Variants in HFE observed in about 807,000 individuals in gnomAD.
HFE encodes the protein hereditary hemochromatosis protein.
A neutral mutation model predicts 40.9 loss-of-function variants in HFE; 36 were observed. The observed-to-expected ratio is 0.88, with a 90% CI of 0.67 to 1.16. The LOEUF (loss-of-function observed/expected upper bound fraction) is 1.16, where lower values mean the gene tolerates loss of function less well. Among genes scored for constraint, HFE ranks in the 50% most tolerant of loss-of-function variants. HFE has a pLI of 0.00. For synonymous variants in HFE, 157 were observed against 165.4 expected, an observed-to-expected ratio of 0.95 and a Z score of 0.39; for missense variants, 376 against 432.0, an observed-to-expected ratio of 0.87 and a Z score of 1.15.
Position 26,094,741 on chromosome 6 carries a change from C to G in HFE, c.*515C>G. ...TGTTACCCAGTAACTCATCTGTCACCAAGCCTTGGGGATTCTTCCATCTGA... is the reference window on the plus strand; with the variant it reads ...TGTTACCCAGTAACTCATCTGTCACGAAGCCTTGGGGATTCTTCCATCTGA... On this transcript the variant is annotated 3_prime_UTR_variant, in exon 6 of 6. Transcript: ENST00000357618. The G allele has an allele frequency of 2.3e-6, 1 of 432,518 alleles. No individual in the cohort carries two copies. Among genetic ancestry groups the G allele is most frequent in the East Asian group, 4.8e-5 (1 of 20,768 alleles). 26.8% of individuals were successfully genotyped at this position (432,518 alleles called of 1,614,324 possible).
intron 2 of HFE, 58 bp downstream of exon 2, chr6:26,091,162 G>T: frequency 1.2e-6 from 2 of 1,609,250 alleles, no homozygotes; most frequent in South Asian, 1.1e-5. Flanking sequence ...ATCTTTTCAT[G>T]CATCTTGAAG....
At chr6:26,092,564 G>A (rs758743818) in intron 3 of HFE, 121 bp from the exon 4 acceptor site, 1 of 1,583,308 alleles carries the variant, frequency 6.3e-7, no homozygotes, top group African/African-American at 1.3e-5. Flanking sequence ...CTCTCCTGTA[G>A]CTTGTTTTTT....
intron 1 of HFE, among the ~76,000 whole-genome samples, chr6:26,089,647 A>G (rs982485345): frequency 1.3e-5 from 2 of 152,166 alleles, no homozygotes; most frequent in African/African-American, 4.8e-5. Context: ...GTGTGAGAGA[A>G]AGAGAAGAAT....
Position 26,092,948 on chromosome 6 carries a change from A to G in HFE, c.880A>G (p.Ile294Val), listed in dbSNP as rs1349410174. The G allele has an allele frequency of 1.2e-6, 2 of 1,614,072 alleles. No individual in the cohort carries two copies. Among genetic ancestry groups the G allele is most frequent in the Non-Finnish European group, 1.7e-6 (2 of 1,180,020 alleles). Residue 294 changes from isoleucine (I) to valine (V), a missense_variant, in exon 4 of 6, where the codon ATT (isoleucine) becomes GTT (valine). Around this residue, in one of 3 missense-constraint regions of HFE, gnomAD observed 173 missense variants for 186.9 expected, o/e 0.93. Transcript: ENST00000357618. ...GCACCCAGGCCTGGATCAGCCCCTCATTGTGATCTGGGGTATGTGACTGAT... is the reference window on the plus strand; with the variant it reads ...GCACCCAGGCCTGGATCAGCCCCTCGTTGTGATCTGGGGTATGTGACTGAT... ...VEHPGLDQPLIVIWEPSPSGT... is the reference protein window; with the variant it reads ...VEHPGLDQPLVVIWEPSPSGT...
intron 1 of HFE, among the ~76,000 whole-genome samples, chr6:26,088,565 A>G (rs560439918): frequency 2.4e-4 from 36 of 152,318 alleles, no homozygotes; most frequent in African/African-American, 8.2e-4. Flanking sequence ...TCAGCACAGC[A>G]CTTTGAGTTT....
rs754323879 is a variant in HFE at position 26,091,336 on chromosome 6, C to T, written c.363C>T (p.Ile121=). The part of the protein sequence containing the change: ...HSKESHTLQV[I]LGCEMQEDNS... ...CAGAGTCCCACACCCTGCAGGTCAT[C>T]CTGGGCTGTGAAATGCAAGAAGACA... The change falls in exon 3 of 6, where the codon ATC becomes ATT. Residue 121 remains isoleucine, a synonymous_variant. Transcript: ENST00000357618. The T allele has an allele frequency of 1.1e-5, 17 of 1,614,136 alleles. No individual in the cohort carries two copies. Among genetic ancestry groups the T allele is most frequent in the Non-Finnish European group, 1.4e-5 (17 of 1,180,034 alleles).
Position 26,091,604 on chromosome 6 carries a change from C to T in HFE, c.616+15C>T, listed in dbSNP as rs1206881808. ...GGACCAACAAGGTATGGTGGAAACA[C>T]ACTTCTGCCCCTATACTCTAGTGGC... On this transcript the variant is annotated intron_variant, in intron 3 of 5. Transcript: ENST00000357618. 1 of 1,611,862 alleles carries T rather than the reference C, an allele frequency of 6.2e-7. No individual in the cohort carries two copies. Among genetic ancestry groups the T allele is most frequent in the South Asian group, 1.1e-5 (1 of 90,842 alleles).
intron 3 of HFE, among the ~76,000 whole-genome samples, chr6:26,091,976 G>GA (rs1762741090): frequency 6.6e-6 from 1 of 151,910 alleles, no homozygotes; most frequent in African/African-American, 2.4e-5. Context: ...AGGAGTTTGA[G>GA]ACCAGCCTGA....
At position 26,087,504 on chromosome 6, in the gene HFE, G is replaced by C. The variant is rs773545645; in HGVS notation, c.64G>C (p.Gly22Arg). ...GCTTTTGCAGACCGCGGTCCTGCAG[G>C]GGCGCTTGCTGCGTGAGTCCGAGGG... ...LMLLQTAVLQGRLLRSHSLHY... is the reference protein window; with the variant it reads ...LMLLQTAVLQRRLLRSHSLHY... The change falls in exon 1 of 6, where the codon GGG (glycine) becomes CGG (arginine). Residue 22 changes from glycine to arginine, a missense_variant. Physicochemically the swap from Gly to Arg is moderately radical, Grantham distance 125. Transcript: ENST00000357618. 6.2e-7 allele frequency: 1 copy of C among 1,613,178 alleles called. No homozygotes were observed. The highest frequency in any genetic ancestry group is 8.5e-7 in the Non-Finnish European group (1 of 1,179,312).
rs373256867 is a variant in HFE at position 26,087,438 on chromosome 6, G to T, written c.-3G>T. ...ACGGGGACGTGCGGCCAGAGCTGGG[G>T]AAATGGGCCCGCGAGCCAGGCCGGC... On this transcript the variant is annotated 5_prime_UTR_variant, in exon 1 of 6. Transcript: ENST00000357618. The T allele has an allele frequency of 5.0e-6, 8 of 1,614,062 alleles. No individual in the cohort carries two copies. The African/African-American group carries it at 6.7e-5, about 13-fold the overall frequency.
rs763724750 is a variant in HFE, at chr6:26,087,536, G to C, written c.76+20G>C. ...TGCTGCGTGAGTCCGAGGGCTGCGG[G>C]CGAACTAGGGGCGCGGCGGGGGTGG... On this transcript the variant is annotated intron_variant, in intron 1 of 5. Transcript: ENST00000357618. 6.2e-7 allele frequency: 1 copy of C among 1,604,814 alleles called. No individual in the cohort carries two copies. The highest frequency in any genetic ancestry group is 8.5e-7 in the Non-Finnish European group (1 of 1,172,348).
intron 3 of HFE, 116 bp from the exon 4 acceptor site, chr6:26,092,568 GT>G (rs774068129): frequency 6.3e-6 from 10 of 1,594,890 alleles, no homozygotes; most frequent in East Asian, 4.5e-5. Flanking sequence ...CCTGTAGCTT[GT>G]TTTTTTCTGA....
Position 26,096,064 on chromosome 6 carries a change from G to A in HFE, c.*1838G>A, listed in dbSNP as rs950571593. On this transcript the variant is annotated 3_prime_UTR_variant, in exon 6 of 6. Transcript: ENST00000357618. The stretch of plus-strand genomic sequence containing the variant: ...CCTTCCATGGAGCCACTGGGGTTCC[G>A]GTGCACATTAAAAAAAAAATCTAAC... 1.3e-5 allele frequency: 2 copies of A among 155,908 alleles called. No homozygotes were observed. The highest frequency in any genetic ancestry group is 1.9e-4 in the East Asian group (1 of 5,292). The allele number at this position is 155,908 out of a possible 1,614,324, so 9.7% of individuals were successfully genotyped here. A position where few individuals can be genotyped will look rare whatever the true frequency, so the allele number is the denominator to read the frequency against.
In HFE at chr6:26,091,586, C is replaced by G; in HGVS notation, c.613C>G (p.Gln205Glu). The change falls in exon 3 of 6, where the codon CAA becomes GAA. Residue 205 changes from glutamine (Q) to glutamate (E), a missense_variant. Transcript: ENST00000357618. The part of the protein sequence containing the change: ...LELGRGVLDQ[Q>E]VPPLVKVTHH... ...GCTGGGGAGAGGTGTTTTGGACCAA[C>G]AAGGTATGGTGGAAACACACTTCTG... The G allele has an allele frequency of 6.2e-7, 1 of 1,612,726 alleles. No homozygotes were observed. Among genetic ancestry groups the G allele is most frequent in the Non-Finnish European group, 8.5e-7 (1 of 1,179,842 alleles).
chr6:26,095,541 A>G lies in HFE; in HGVS notation c.*1315A>G, dbSNP rs1178127538. ...TGAAAAAAAAAAGAAAGTGAAGTAT[A>G]GAGTATCTCATAGTTTGTCAGTGAT... On this transcript the variant is annotated 3_prime_UTR_variant, in exon 6 of 6. Coordinates refer to ENST00000357618, the MANE Select transcript of HFE (RefSeq NM_000410.4). 6.6e-6 allele frequency: 1 copy of G among 152,156 alleles called. No individual in the cohort carries two copies. The highest frequency in any genetic ancestry group is 2.4e-5 in the African/African-American group (1 of 41,412). 9.4% of individuals were successfully genotyped at this position (152,156 alleles called of 1,614,324 possible).
intron 3 of HFE, among the ~76,000 whole-genome samples, chr6:26,092,285 A>T (rs901776676): frequency 1.6e-4 from 25 of 152,020 alleles, no homozygotes; most frequent in Admixed American, 1.6e-3. Flanking sequence ...CCTTTAGGTT[A>T]AAAGTTTCTT....
Position 26,087,503 on chromosome 6 carries a change from G to A in HFE, c.63G>A (p.Gln21=), listed in dbSNP as rs772608361. The A allele has an allele frequency of 6.2e-7, 1 of 1,613,502 alleles. No homozygotes were observed. The highest frequency in any genetic ancestry group is 8.5e-7 in the Non-Finnish European group (1 of 1,179,526). ...LLMLLQTAVL[Q]GRLLRSHSLH... is the part of the protein sequence containing the mutation. ...TGCTTTTGCAGACCGCGGTCCTGCAGGGGCGCTTGCTGCGTGAGTCCGAGG... is the reference window on the plus strand; with the variant it reads ...TGCTTTTGCAGACCGCGGTCCTGCAAGGGCGCTTGCTGCGTGAGTCCGAGG... Residue 21 remains glutamine (Q), a synonymous_variant, in exon 1 of 6, where the codon CAG becomes CAA. Coordinates refer to ENST00000357618, the MANE Select transcript of HFE (RefSeq NM_000410.4).
intron 1 of HFE, among the ~76,000 whole-genome samples, chr6:26,088,512 G>T (rs1311093403): frequency 1.3e-5 from 2 of 152,206 alleles, no homozygotes; most frequent in African/African-American, 4.8e-5. Flanking sequence ...CAGTGATTTT[G>T]CCCTGTAGTG....
intron 1 of HFE, among the ~76,000 whole-genome samples, chr6:26,090,003 G>A (rs1762565688): frequency 6.6e-6 from 1 of 152,134 alleles, no homozygotes; most frequent in African/African-American, 2.4e-5. Context: ...TGAGCAGTGG[G>A]GTAATTGGCA....
Sources: allele counts gnomAD v4.1 joint callset (sites outside exome capture counted in the v4.1 genomes callset), GRCh38; gene constraint gnomAD v4.1.1; regional missense constraint gnomAD v4.1.1; transcripts MANE v1.5; gene names NCBI Gene and HGNC (gene_info 2026-07-23, HGNC 2026-07-21).